The following SPTBN1 variants were observed in gnomAD, a reference collection of about 807,000 sequenced individuals.
The protein encoded by SPTBN1 is spectrin beta chain, non-erythrocytic 1.
A neutral mutation model predicts 266.4 loss-of-function variants in SPTBN1; 32 were observed. The ratio of observed to expected loss-of-function variants is 0.12; its 90% CI spans 0.09 to 0.16. The LOEUF is 0.16. Among genes scored for constraint, SPTBN1 ranks in the 10% least tolerant of loss-of-function variants. The pLI is 1.00. For missense variants in SPTBN1, 2,296 were observed against 3,067.1 expected (o/e 0.75, Z 5.94); for synonymous variants, 1,336 against 1,162.2 (o/e 1.15, Z -3.04).
At chr2:54,611,780 A>G (rs1430779059) in intron 3 of SPTBN1, among the ~76,000 whole-genome samples, 1 of 152,156 alleles carries the variant, frequency 6.6e-6, no homozygotes, top group Non-Finnish European at 1.5e-5. Context: ...TTACATTCCA[A>G]GTAATCAGAA....
In SPTBN1 at chr2:54,628,844, A is replaced by C. The variant is rs180902783; in HGVS notation, c.1799-89A>C. 1.5e-4 allele frequency: 221 copies of C among 1,477,282 alleles called. No homozygotes were observed. In the African/African-American group the frequency reaches 2.7e-3, roughly 18 times the overall value. 91.5% of individuals were successfully genotyped at this position (1,477,282 alleles called of 1,614,324 possible). ...TAGCAGTGAGCTGGTAATCATAAGA[A>C]TATGGGGTGTAGCTTACTGCCTGCC... On this transcript the variant is annotated intron_variant, in intron 13 of 35. Coordinates refer to ENST00000356805, the MANE Select transcript of SPTBN1 (RefSeq NM_003128.3). This position sits in a 1 kb window ranked among gnomAD's most constrained non-coding sequence, Gnocchi z 4.3.
At chr2:54,575,605 T>A (rs967857599) in intron 2 of SPTBN1, among the ~76,000 whole-genome samples, 5 of 152,262 alleles carry the variant, frequency 3.3e-5, no homozygotes, top group Non-Finnish European at 5.9e-5. Context: ...AGCGTTGACA[T>A]ATCAGGATTC....
intron 3 of SPTBN1, among the ~76,000 whole-genome samples, chr2:54,609,232 C>G (rs1366078271): frequency 6.6e-6 from 1 of 152,222 alleles, no homozygotes. Flanking sequence ...TGGAGACACT[C>G]ATTTTCATCA....
At chr2:54,655,474 C>T (rs756338912) in intron 28 of SPTBN1, among the ~76,000 whole-genome samples, 6 of 152,170 alleles carry the variant, frequency 3.9e-5, no homozygotes, top group East Asian at 1.9e-4. Flanking sequence ...TTCTAGGTGA[C>T]GCCAATGTCC....
At chr2:54,515,502 A>T (rs559288356) in intron 1 of SPTBN1, among the ~76,000 whole-genome samples, 1 of 151,972 alleles carries the variant, frequency 6.6e-6, no homozygotes, top group Admixed American at 6.5e-5. Context: ...CATTATTCCC[A>T]TCCCTTATCA....
At chr2:54,567,335 TTTTA>T (rs1038673273) in intron 2 of SPTBN1, among the ~76,000 whole-genome samples, 1 of 151,936 alleles carries the variant, frequency 6.6e-6, no homozygotes, top group Non-Finnish European at 1.5e-5. Flanking sequence ...AGGATTTTTA[TTTTA>T]TTTATTTATT....
At chr2:54,491,888 T>G (rs957704927) in intron 1 of SPTBN1, among the ~76,000 whole-genome samples, 2 of 152,178 alleles carry the variant, frequency 1.3e-5, no homozygotes, top group African/African-American at 4.8e-5. Flanking sequence ...CATGAGCCAC[T>G]GCACCCAGTT....
intron 2 of SPTBN1, among the ~76,000 whole-genome samples, chr2:54,551,946 G>T (rs1479755148): frequency 6.6e-6 from 1 of 152,098 alleles, no homozygotes; most frequent in Non-Finnish European, 1.5e-5. Flanking sequence ...TAAGTATTGT[G>T]TTCTGGTTAT....
At chr2:54,492,725 C>G (rs769267500) in intron 1 of SPTBN1, among the ~76,000 whole-genome samples, 9 of 152,126 alleles carry the variant, frequency 5.9e-5, no homozygotes, top group Non-Finnish European at 1.0e-4. Flanking sequence ...ATACCCCCAG[C>G]CTGATGTAGA....
chr2:54,606,207 T>C (rs1183152249), intron 3 of SPTBN1, among the ~76,000 whole-genome samples: 3 of 152,156 alleles, frequency 2.0e-5, no homozygotes, highest in African/African-American at 7.2e-5. Context: ...TGAAAGAACA[T>C]TGGTTATGTC....
chr2:54,512,180 TCTG>T (rs1380980575), intron 1 of SPTBN1, among the ~76,000 whole-genome samples: 2 of 152,228 alleles, frequency 1.3e-5, no homozygotes, highest in Non-Finnish European at 2.9e-5. Flanking sequence ...CTGCTCACCT[TCTG>T]CTGTGTGGCC....
At chr2:54,660,187 A>G (rs1203668634) in intron 32 of SPTBN1, 188 bp downstream of exon 32, 8 of 1,485,422 alleles carry the variant, frequency 5.4e-6, no homozygotes, top group African/African-American at 2.8e-5. Context: ...TACTTAATTC[A>G]TAGCCTTCCT....
intron 1 of SPTBN1, among the ~76,000 whole-genome samples, chr2:54,485,496 A>G (rs979649852): frequency 2.6e-5 from 4 of 152,136 alleles, no homozygotes; most frequent in Admixed American, 1.3e-4. Context: ...CTCAGTGCTC[A>G]ATGGTGCCCA....
chr2:54,655,232 G>T (rs1405818359), intron 28 of SPTBN1, 24 bp downstream of exon 28: 1 of 1,607,308 alleles, frequency 6.2e-7, no homozygotes, highest in South Asian at 1.1e-5. Context: ...TTGCTTTGGA[G>T]CTGCAGCTGG....
chr2:54,525,093 A>C (rs1360426292), intron 1 of SPTBN1, among the ~76,000 whole-genome samples: 1 of 152,224 alleles, frequency 6.6e-6, no homozygotes, highest in Admixed American at 6.5e-5. Context: ...GTACGTAGTA[A>C]GTCTTCATTG....
chr2:54,484,177 C>A (rs973302189), intron 1 of SPTBN1, among the ~76,000 whole-genome samples: 4 of 152,162 alleles, frequency 2.6e-5, no homozygotes, highest in Non-Finnish European at 4.4e-5. Context: ...CAGAGTGAGA[C>A]CCTGTCTCAA....
chr2:54,616,316 G>C lies in SPTBN1; in HGVS notation c.566+18G>C. 5.0e-6 allele frequency: 8 copies of C among 1,609,142 alleles called. No individual in the cohort carries two copies. Among genetic ancestry groups the C allele is most frequent in the Non-Finnish European group, 6.8e-6 (8 of 1,176,022 alleles). On this transcript the variant is annotated intron_variant, in intron 5 of 35. Transcript: ENST00000356805. ...ACAGCTGGGTGAGTGTGAATGAAGA[G>C]GGTATTGGGGCTGCTTCTTCCAGGA... is the stretch of plus-strand genomic sequence containing the variant.
chr2:54,483,051 G>A (rs1668178905), intron 1 of SPTBN1, among the ~76,000 whole-genome samples: 1 of 152,186 alleles, frequency 6.6e-6, no homozygotes, highest in African/African-American at 2.4e-5. Context: ...GCCGGGCCAG[G>A]GAAGAGAGAA....
rs990188451 is a variant in SPTBN1, at chr2:54,618,266, T to A, written c.763+73T>A. Reference sequence around the variant, plus strand: ...CCAGGTGTTAATGTAAAATCTGTTTTGTGTCAGTCTGTTTCATTTGGGAGT... The same window carrying A: ...CCAGGTGTTAATGTAAAATCTGTTTAGTGTCAGTCTGTTTCATTTGGGAGT... On this transcript the variant is annotated intron_variant, in intron 7 of 35. Coordinates refer to ENST00000356805, the MANE Select transcript of SPTBN1 (RefSeq NM_003128.3). 7.9e-6 allele frequency: 10 copies of A among 1,270,696 alleles called. 1 individual carries two copies. In the South Asian group the frequency reaches 1.4e-4, roughly 18 times the overall value. 78.7% of individuals were successfully genotyped at this position (1,270,696 alleles called of 1,614,324 possible).
Sources: allele counts gnomAD v4.1 joint callset (sites outside exome capture counted in the v4.1 genomes callset), GRCh38; gene constraint gnomAD v4.1.1; non-coding constraint Gnocchi (gnomAD v3.1); transcripts MANE v1.5; gene names NCBI Gene and HGNC (gene_info 2026-07-23, HGNC 2026-07-21).